The following BBX variants were observed in gnomAD, a reference collection of about 807,000 sequenced individuals.
BBX encodes the protein BBX high mobility group box domain containing.
Under a neutral mutation model 100.2 loss-of-function variants are expected in BBX, and 30 were observed. The ratio of observed to expected loss-of-function variants is 0.30; its 90% confidence interval spans 0.22 to 0.41. The LOEUF (loss-of-function observed/expected upper bound fraction) is 0.41. Ranked by LOEUF, BBX falls within the 10% of genes least tolerant of loss-of-function variation. The pLI is 1.00. For missense variants in BBX, 1,023 were observed against 1,129.8 expected (o/e 0.91, Z 1.35); for synonymous variants, 376 against 388.1 (o/e 0.97, Z 0.37).
intron 7 of BBX, among the ~76,000 whole-genome samples, chr3:107,742,355 C>T (rs2064183286): frequency 6.6e-6 from 1 of 151,490 alleles, no homozygotes; most frequent in East Asian, 1.9e-4. Flanking sequence ...TTCTGATACG[C>T]TGCCTCTATT....
intron 2 of BBX, among the ~76,000 whole-genome samples, chr3:107,549,070 G>A (rs1025539113): frequency 1.7e-4 from 26 of 152,086 alleles, no homozygotes; most frequent in African/African-American, 5.6e-4. Flanking sequence ...AGGACCATCC[G>A]TATCTCAAAC....
intron 2 of BBX, among the ~76,000 whole-genome samples, chr3:107,571,170 TTAAAG>T (rs2051326875): frequency 6.6e-6 from 1 of 151,310 alleles, no homozygotes; most frequent in Non-Finnish European, 1.5e-5. Context: ...GGAGGTAAGT[TTAAAG>T]AGAAAGGTAG....
At chr3:107,782,618 T>A (rs2068010603) in intron 13 of BBX, among the ~76,000 whole-genome samples, 1 of 152,122 alleles carries the variant, frequency 6.6e-6, no homozygotes, top group South Asian at 2.1e-4. Flanking sequence ...ACATTCATTT[T>A]TCAGCAAACC....
At chr3:107,775,329 C>T (rs6437743) in intron 12 of BBX, among the ~76,000 whole-genome samples, 150,715 of 152,246 alleles carry the variant, frequency 0.99, 74,623 homozygotes, top group Middle Eastern at 1. Flanking sequence ...ATAAAAATAT[C>T]AGGTCAAATA....
chr3:107,792,627 A>G (rs1479560605), intron 15 of BBX, among the ~76,000 whole-genome samples: 1 of 152,228 alleles, frequency 6.6e-6, no homozygotes, highest in East Asian at 1.9e-4. Flanking sequence ...TCACATTCAC[A>G]GCCTCTATGG....
chr3:107,597,148 G>A (rs1033130246), intron 2 of BBX, among the ~76,000 whole-genome samples: 3 of 152,080 alleles, frequency 2.0e-5, no homozygotes, highest in African/African-American at 4.8e-5. Flanking sequence ...TTTGTCTTAA[G>A]CAAAGCCTAT....
chr3:107,787,014 T>C (rs1265027801), intron 13 of BBX, among the ~76,000 whole-genome samples: 2 of 152,078 alleles, frequency 1.3e-5, no homozygotes, highest in Non-Finnish European at 2.9e-5. Flanking sequence ...ATATAACAAA[T>C]ACGTGGCCGA....
At chr3:107,619,267 T>C (rs1435818372) in intron 2 of BBX, among the ~76,000 whole-genome samples, 1 of 152,158 alleles carries the variant, frequency 6.6e-6, no homozygotes, top group African/African-American at 2.4e-5. Flanking sequence ...CCTACCTATG[T>C]CATTATATTT....
chr3:107,626,771 C>T (rs1425552259), intron 2 of BBX, among the ~76,000 whole-genome samples: 1 of 151,716 alleles, frequency 6.6e-6, no homozygotes, highest in Non-Finnish European at 1.5e-5. Context: ...TTTCCTGCCT[C>T]AGCCTCCCGA....
rs2059681616 is a variant in BBX, at chr3:107,683,575, C to T, written c.-9-26877C>T. ...CTTTTATTCTGCTTTCTTAACTTTGCTGCAGATGCTCTTAGTCACTGCATG... is the reference window on the plus strand; with the variant it reads ...CTTTTATTCTGCTTTCTTAACTTTGTTGCAGATGCTCTTAGTCACTGCATG... On this transcript the variant is annotated intron_variant, in intron 3 of 17. Coordinates refer to ENST00000325805, the MANE Select transcript of BBX (RefSeq NM_001142568.3). Among the ~76,000 whole-genome samples the T allele has an allele frequency of 2.6e-5, 4 of 152,120 alleles. 1 individual carries two copies. In the South Asian group the frequency reaches 8.3e-4, roughly 31 times the overall value.
chr3:107,570,021 G>C (rs552677711), intron 2 of BBX, among the ~76,000 whole-genome samples: 1 of 152,240 alleles, frequency 6.6e-6, no homozygotes, highest in East Asian at 1.9e-4. Context: ...GTGGGGTCCC[G>C]TACAGATAGA....
intron 5 of BBX, among the ~76,000 whole-genome samples, 176 bp downstream of exon 5, chr3:107,717,025 CA>C (rs574025512): frequency 1.5e-3 from 231 of 152,200 alleles, no homozygotes; most frequent in African/African-American, 5.4e-3. Context: ...TCCTGTGTTC[CA>C]AGTCCATGTA....
At position 107,731,663 on chromosome 3, in the gene BBX, C is replaced by A. The variant is rs144029101; in HGVS notation, c.602-1293C>A. On this transcript the variant is annotated intron_variant, in intron 6 of 17. Coordinates refer to ENST00000325805, the MANE Select transcript of BBX (RefSeq NM_001142568.3). ...ATAGTTTTTCCTCTAATAACCTCTT[C>A]CCCCAACCCCTGCCCCTTTTTTTTA... 4.3e-3 allele frequency among the ~76,000 whole-genome samples: 659 copies of A among 152,138 alleles called. 5 individuals carry two copies. Among genetic ancestry groups the A allele is most frequent in the African/African-American group, 0.015 (602 of 41,504 alleles).
rs2071201955 is a variant in BBX at position 107,809,365 on chromosome 3, C to G, written c.*3908C>G. On this transcript the variant is annotated 3_prime_UTR_variant, in exon 18 of 18. Coordinates refer to ENST00000325805, the MANE Select transcript of BBX (RefSeq NM_001142568.3). Reference sequence around the variant, plus strand: ...GGAGGCTGGAGGATGGCATTCCATACAGCAAAGGAGAAGCACCCACCACTT... The same window carrying G: ...GGAGGCTGGAGGATGGCATTCCATAGAGCAAAGGAGAAGCACCCACCACTT... The G allele has an allele frequency of 6.6e-6, 1 of 152,250 alleles. No homozygotes were observed. Among genetic ancestry groups the G allele is most frequent in the Admixed American group, 6.5e-5 (1 of 15,272 alleles). 9.4% of individuals were successfully genotyped at this position (152,250 alleles called of 1,614,324 possible). A position where few individuals can be genotyped will look rare whatever the true frequency, so the allele number is the denominator to read the frequency against.
At chr3:107,697,572 G>T (rs560519999) in intron 3 of BBX, among the ~76,000 whole-genome samples, 1 of 151,876 alleles carries the variant, frequency 6.6e-6, no homozygotes, top group South Asian at 2.1e-4. Context: ...CTCCAGCCGC[G>T]TGCTGGGAGA....
intron 2 of BBX, among the ~76,000 whole-genome samples, chr3:107,643,592 G>A (rs1422077699): frequency 6.6e-6 from 1 of 152,056 alleles, no homozygotes; most frequent in Non-Finnish European, 1.5e-5. Context: ...TGGCTCAGAT[G>A]AAAATCTGCC....
Position 107,773,473 on chromosome 3 carries a change from A to G in BBX, c.1752A>G (p.Leu584=). ...CATTGACCCCTATGGAAGATGCACTACCACCCAGCCTATCAGGACAGGCCA... is the reference window on the plus strand; with the variant it reads ...CATTGACCCCTATGGAAGATGCACTGCCACCCAGCCTATCAGGACAGGCCA... ...AEPLTPMEDA[L]PPSLSGQAKP... The change falls in exon 11 of 18, where the codon CTA becomes CTG. Residue 584 remains leucine (L), a synonymous_variant. Coordinates refer to ENST00000325805, the MANE Select transcript of BBX (RefSeq NM_001142568.3). The surrounding 1 kb of genome is among the most constrained non-coding windows in gnomAD (Gnocchi z 4.1). 6.2e-7 allele frequency: 1 copy of G among 1,614,090 alleles called. No individual in the cohort carries two copies. Among genetic ancestry groups the G allele is most frequent in the Non-Finnish European group, 8.5e-7 (1 of 1,179,970 alleles).
chr3:107,557,899 G>A (rs1383360304), intron 2 of BBX, among the ~76,000 whole-genome samples: 2 of 152,220 alleles, frequency 1.3e-5, no homozygotes, highest in African/African-American at 4.8e-5. Flanking sequence ...ATATTAGCAA[G>A]GGGGGAAAGC....
chr3:107,615,223 G>A (rs1259801213), intron 2 of BBX, among the ~76,000 whole-genome samples: 4 of 152,146 alleles, frequency 2.6e-5, no homozygotes, highest in Admixed American at 1.3e-4. Context: ...AGTTAATGGT[G>A]TTTTATAATT....
Sources: allele counts gnomAD v4.1 joint callset (sites outside exome capture counted in the v4.1 genomes callset), GRCh38; gene constraint gnomAD v4.1.1; non-coding constraint Gnocchi (gnomAD v3.1); transcripts MANE v1.5; gene names NCBI Gene and HGNC (gene_info 2026-07-23, HGNC 2026-07-21).